The following KCNIP3 variants were observed in gnomAD, a reference collection of about 807,000 sequenced individuals.
KCNIP3 encodes calsenilin.
In KCNIP3, 28 loss-of-function variants were observed where a neutral mutation model predicts 35.0. That is an observed-to-expected ratio of 0.80 (90% CI 0.59 to 1.10). KCNIP3 has a LOEUF of 1.10. Among genes scored for constraint, KCNIP3 ranks in the 50% least tolerant of loss-of-function variants. KCNIP3 has a pLI of 0.00. For synonymous variants in KCNIP3, 134 were observed against 133.8 expected, an observed-to-expected ratio of 1.00 and a Z score of -0.01; for missense variants, 295 against 338.4, an observed-to-expected ratio of 0.87 and a Z score of 1.01.
At chr2:95,347,420 G>A (rs569496894) in intron 2 of KCNIP3, among the ~76,000 whole-genome samples, 67 of 152,342 alleles carry the variant, frequency 4.4e-4, no homozygotes, top group African/African-American at 1.5e-3. Flanking sequence ...GAGCACACCG[G>A]CTTGGGTCGC....
chr2:95,316,676 A>C (rs1273412717), intron 2 of KCNIP3, among the ~76,000 whole-genome samples: 1 of 152,216 alleles, frequency 6.6e-6, no homozygotes, highest in Admixed American at 6.5e-5. Flanking sequence ...AGTCTCTGGA[A>C]GACAGATGCT....
At position 95,378,142 on chromosome 2, in the gene KCNIP3, A is replaced by T. The variant is rs1680248743; in HGVS notation, c.447+2934A>T. 1.3e-5 allele frequency among the ~76,000 whole-genome samples: 2 copies of T among 151,738 alleles called. No homozygotes were observed. Among genetic ancestry groups the T allele is most frequent in the South Asian group, 4.2e-4 (2 of 4,790 alleles). On this transcript the variant is annotated intron_variant, in intron 5 of 8. Transcript: ENST00000295225. This position sits in a 1 kb window ranked among gnomAD's most constrained non-coding sequence, Gnocchi z 4.0. ...TGTTTCTCCTTGTTTTTTAATTTTTATTTTTTTTGTTTTATTTTTAGACAG... is the reference window on the plus strand; with the variant it reads ...TGTTTCTCCTTGTTTTTTAATTTTTTTTTTTTTTGTTTTATTTTTAGACAG...
chr2:95,346,919 C>A, intron 2 of KCNIP3: 2 of 614,968 alleles, frequency 3.3e-6, no homozygotes, highest in Non-Finnish European at 4.8e-6. Flanking sequence ...CGTCGCCGCC[C>A]CCGAGAGGCC....
At chr2:95,314,180 G>C (rs538453531) in intron 2 of KCNIP3, among the ~76,000 whole-genome samples, 1 of 152,144 alleles carries the variant, frequency 6.6e-6, no homozygotes, top group South Asian at 2.1e-4. Flanking sequence ...GAAAGGCATC[G>C]GAACAAAAGG....
chr2:95,343,845 TG>T (rs1412500491), intron 2 of KCNIP3, among the ~76,000 whole-genome samples: 1 of 152,166 alleles, frequency 6.6e-6, no homozygotes, highest in East Asian at 1.9e-4. Context: ...CAGCCATGGT[TG>T]TGACCTCAGG....
intron 2 of KCNIP3, among the ~76,000 whole-genome samples, chr2:95,341,465 G>A (rs575295837): frequency 2.8e-4 from 43 of 152,322 alleles, no homozygotes; most frequent in African/African-American, 9.1e-4. Flanking sequence ...AATACTCTAA[G>A]GTCAAGATAG....
At chr2:95,357,384 C>CA (rs1352432485) in intron 2 of KCNIP3, among the ~76,000 whole-genome samples, 1 of 152,158 alleles carries the variant, frequency 6.6e-6, no homozygotes, top group African/African-American at 2.4e-5. Context: ...TAGGGAGCCC[C>CA]ATTTCATGGT....
At chr2:95,335,504 A>G (rs1679039701) in intron 2 of KCNIP3, among the ~76,000 whole-genome samples, 1 of 151,928 alleles carries the variant, frequency 6.6e-6, no homozygotes, top group Non-Finnish European at 1.5e-5. Context: ...TTTCTTCTGG[A>G]TGCTTTTAAG....
At chr2:95,360,758 C>A (rs928699330) in intron 2 of KCNIP3, among the ~76,000 whole-genome samples, 1 of 151,538 alleles carries the variant, frequency 6.6e-6, no homozygotes, top group African/African-American at 2.4e-5. Context: ...AGAGAGAGAG[C>A]GAGAGACAGA....
intron 2 of KCNIP3, among the ~76,000 whole-genome samples, chr2:95,356,241 G>A (rs1407042367): frequency 1.3e-5 from 2 of 152,088 alleles, no homozygotes; most frequent in African/African-American, 4.8e-5. Context: ...GTAGATTCTG[G>A]ATATCAGCCC....
chr2:95,345,750 C>A (rs1334719024), intron 2 of KCNIP3, among the ~76,000 whole-genome samples: 1 of 152,268 alleles, frequency 6.6e-6, no homozygotes, highest in African/African-American at 2.4e-5. Flanking sequence ...TCTCCGGCCT[C>A]GCGGCTCCAA....
In KCNIP3 at chr2:95,315,459, C is replaced by T. The variant is rs532107649; in HGVS notation, c.181+4939C>T. On this transcript the variant is annotated intron_variant, in intron 2 of 8. Transcript: ENST00000295225. Reference sequence around the variant, plus strand: ...CGCCCCTTGGAGGGCACTTGTGAAGCACTTGCTGTCCCACACTCCGGGTGG... The same window carrying T: ...CGCCCCTTGGAGGGCACTTGTGAAGTACTTGCTGTCCCACACTCCGGGTGG... Among the ~76,000 whole-genome samples the T allele has an allele frequency of 6.6e-5, 10 of 152,312 alleles. No homozygotes were observed. The East Asian group carries it at 1.7e-3, about 27-fold the overall frequency.
chr2:95,301,559 C>T (rs1423091148), intron 1 of KCNIP3, among the ~76,000 whole-genome samples: 1 of 152,232 alleles, frequency 6.6e-6, no homozygotes, highest in Non-Finnish European at 1.5e-5. Context: ...ACAGAACCCC[C>T]AGATAAATGT....
intron 2 of KCNIP3, among the ~76,000 whole-genome samples, chr2:95,332,948 A>G (rs1678969388): frequency 6.6e-6 from 1 of 152,190 alleles, no homozygotes; most frequent in African/African-American, 2.4e-5. Flanking sequence ...GGACAAAGGG[A>G]CAAGACAAAT....
chr2:95,349,709 C>A (rs1679464415), intron 2 of KCNIP3, among the ~76,000 whole-genome samples: 1 of 152,238 alleles, frequency 6.6e-6, no homozygotes, highest in Non-Finnish European at 1.5e-5. Flanking sequence ...GTGTGACAGA[C>A]CCTGGGTGGC....
intron 2 of KCNIP3, among the ~76,000 whole-genome samples, chr2:95,360,698 C>A (rs1210093414): frequency 1.3e-5 from 2 of 152,114 alleles, no homozygotes; most frequent in East Asian, 3.8e-4. Flanking sequence ...TGGGGATGGC[C>A]TTCTTACTGA....
At chr2:95,369,203 A>G (rs1679985655) in intron 2 of KCNIP3, among the ~76,000 whole-genome samples, 1 of 152,210 alleles carries the variant, frequency 6.6e-6, no homozygotes, top group African/African-American at 2.4e-5. Context: ...CTTTTTCTGC[A>G]TCAATTGATA....
intron 2 of KCNIP3, among the ~76,000 whole-genome samples, chr2:95,360,778 A>C (rs1679780647): frequency 6.6e-6 from 1 of 152,206 alleles, no homozygotes; most frequent in Non-Finnish European, 1.5e-5. Context: ...AGAGAGAGAG[A>C]GAGAAAGAGG....
At chr2:95,362,352 C>T (rs1679820229) in intron 2 of KCNIP3, among the ~76,000 whole-genome samples, 1 of 152,112 alleles carries the variant, frequency 6.6e-6, no homozygotes, top group Non-Finnish European at 1.5e-5. Context: ...GTGATCCGCC[C>T]ACCTCGGCCT....
Sources: gnomAD v4.1 joint callset for allele counts (sites outside exome capture counted in the v4.1 genomes callset) on GRCh38, gnomAD v4.1.1 for gene constraint, Gnocchi (gnomAD v3.1) non-coding constraint, MANE v1.5 for transcripts, NCBI Gene and HGNC (gene_info 2026-07-23, HGNC 2026-07-21) for gene names.